The following BTBD9 variants were observed in gnomAD, a reference collection of about 807,000 sequenced individuals.
BTBD9 encodes BTB/POZ domain-containing protein 9.
A neutral mutation model predicts 64.3 loss-of-function variants in BTBD9; 49 were observed. The ratio of observed to expected loss-of-function variants is 0.76; its 90% CI spans 0.61 to 0.97. The LOEUF (loss-of-function observed/expected upper bound fraction) is 0.97. BTBD9 is among the 50% of genes least tolerant of loss of function. BTBD9 has a pLI of 0.00. For synonymous variants in BTBD9, 260 were observed against 274.7 expected, an observed-to-expected ratio of 0.95 and a Z score of 0.53; for missense variants, 598 against 762.1, an observed-to-expected ratio of 0.78 and a Z score of 2.53.
At chr6:38,518,444 G>A (rs1773138171) in intron 6 of BTBD9, among the ~76,000 whole-genome samples, 1 of 152,196 alleles carries the variant, frequency 6.6e-6, no homozygotes, top group Admixed American at 6.5e-5. Flanking sequence ...GATCTCTAGG[G>A]AGATTCTGGG....
intron 7 of BTBD9, among the ~76,000 whole-genome samples, chr6:38,302,271 T>C (rs1762431843): frequency 6.6e-6 from 1 of 151,864 alleles, no homozygotes; most frequent in Non-Finnish European, 1.5e-5. Context: ...AGTTTCTCCT[T>C]ACCTCCCAAC....
intron 6 of BTBD9, among the ~76,000 whole-genome samples, chr6:38,510,191 A>T (rs1772716961): frequency 1.3e-5 from 2 of 152,246 alleles, no homozygotes; most frequent in South Asian, 4.1e-4. Flanking sequence ...CATAGAGTAT[A>T]CTTACACGAA....
chr6:38,372,263 C>G (rs1486622281), intron 6 of BTBD9, among the ~76,000 whole-genome samples: 1 of 152,176 alleles, frequency 6.6e-6, no homozygotes, highest in African/African-American at 2.4e-5. Context: ...AAGATAATAT[C>G]TTTGTACAAA....
chr6:38,308,357 C>T (rs1001969841), intron 7 of BTBD9, among the ~76,000 whole-genome samples: 2 of 152,208 alleles, frequency 1.3e-5, no homozygotes, highest in African/African-American at 4.8e-5. Context: ...AGAGACTTTA[C>T]ATCTGCACTG....
intron 7 of BTBD9, among the ~76,000 whole-genome samples, chr6:38,294,966 A>G (rs1762103785): frequency 6.6e-6 from 1 of 152,094 alleles, no homozygotes; most frequent in East Asian, 1.9e-4. Flanking sequence ...GGTGAAGTTG[A>G]ACATTTTTTT....
At chr6:38,373,549 G>A (rs549501477) in intron 6 of BTBD9, among the ~76,000 whole-genome samples, 80 of 152,174 alleles carry the variant, frequency 5.3e-4, no homozygotes, top group African/African-American at 1.9e-3. Flanking sequence ...CTTGTTTTCT[G>A]AAGACAAGGT....
At chr6:38,537,170 G>T (rs1774057116) in intron 6 of BTBD9, among the ~76,000 whole-genome samples, 1 of 152,106 alleles carries the variant, frequency 6.6e-6, no homozygotes, top group African/African-American at 2.4e-5. Context: ...CTGTAGAATT[G>T]TTGCACTGTT....
At chr6:38,226,737 G>C (rs537199150) in intron 9 of BTBD9, among the ~76,000 whole-genome samples, 5 of 152,326 alleles carry the variant, frequency 3.3e-5, no homozygotes, top group African/African-American at 1.2e-4. Flanking sequence ...GTGAGGACAG[G>C]TGTGTACACA....
intron 6 of BTBD9, among the ~76,000 whole-genome samples, chr6:38,570,540 G>A (rs1347266821): frequency 6.6e-6 from 1 of 152,144 alleles, no homozygotes; most frequent in Non-Finnish European, 1.5e-5. Flanking sequence ...CTGAGGTCCT[G>A]TAACCTCATT....
chr6:38,627,772 T>C lies in BTBD9; in HGVS notation c.-28+12028A>G, dbSNP rs144115592. Reference sequence around the variant, plus strand: ...AACAAATGAGTCGCTCAATGAGATGTTACAAAGATTTATTAGGCTGACTTT... The same window carrying C: ...AACAAATGAGTCGCTCAATGAGATGCTACAAAGATTTATTAGGCTGACTTT... On this transcript the variant is annotated intron_variant, in intron 1 of 10. Transcript: ENST00000481247. Among the ~76,000 whole-genome samples the C allele has an allele frequency of 1.2e-4, 18 of 152,228 alleles. No homozygotes were observed. The East Asian group carries it at 3.1e-3, about 26-fold the overall frequency.
At chr6:38,204,697 G>A (rs1762575435) in intron 9 of BTBD9, among the ~76,000 whole-genome samples, 1 of 151,952 alleles carries the variant, frequency 6.6e-6, no homozygotes, top group South Asian at 2.1e-4. Flanking sequence ...TGAATTGTAT[G>A]GTATATGAAT....
chr6:38,241,384 T>C (rs113829100), intron 9 of BTBD9, among the ~76,000 whole-genome samples: 1 of 152,182 alleles, frequency 6.6e-6, no homozygotes, highest in Non-Finnish European at 1.5e-5. Flanking sequence ...CTGGGACAAA[T>C]TTAATGTGCA....
intron 6 of BTBD9, chr6:38,482,059 C>A (rs1448713515): frequency 6.6e-6 from 1 of 152,178 alleles, no homozygotes; most frequent in African/African-American, 2.4e-5. Flanking sequence ...TGTTGTGTTT[C>A]TTCCCAGTCC....
At chr6:38,212,404 G>T (rs937300603) in intron 9 of BTBD9, among the ~76,000 whole-genome samples, 1 of 152,156 alleles carries the variant, frequency 6.6e-6, no homozygotes, top group Non-Finnish European at 1.5e-5. Context: ...AGGTTGAGAG[G>T]GGGTGACACA....
chr6:38,429,345 C>T (rs2127293264), intron 6 of BTBD9, among the ~76,000 whole-genome samples: 1 of 151,146 alleles, frequency 6.6e-6, no homozygotes, highest in Middle Eastern at 3.4e-3. Flanking sequence ...ATCCCAGCTA[C>T]TCGGGAGGCT....
At chr6:38,311,857 T>A (rs765904389) in intron 7 of BTBD9, among the ~76,000 whole-genome samples, 1 of 152,108 alleles carries the variant, frequency 6.6e-6, no homozygotes, top group Non-Finnish European at 1.5e-5. Context: ...TGAGCACCTT[T>A]TCTTTTTTAT....
At position 38,169,448 on chromosome 6, in the gene BTBD9, G is replaced by A. The variant is rs970242191; in HGVS notation, c.*5537C>T. 4 of 150,200 alleles carry A rather than the reference G, an allele frequency of 2.7e-5. No individual in the cohort carries two copies. Among genetic ancestry groups the A allele is most frequent in the Non-Finnish European group, 5.9e-5 (4 of 67,678 alleles). 9.3% of individuals were successfully genotyped at this position (150,200 alleles called of 1,614,324 possible). ...TCGCCTTCCTGGGACATAAACCCCT[G>A]GGGCTCATGTGGTGGGGAGCAATTT... On this transcript the variant is annotated 3_prime_UTR_variant, in exon 11 of 11. Coordinates refer to ENST00000481247, the MANE Select transcript of BTBD9 (RefSeq NM_001099272.2).
chr6:38,539,428 C>T (rs1774165372), intron 6 of BTBD9, among the ~76,000 whole-genome samples: 1 of 152,172 alleles, frequency 6.6e-6, no homozygotes, highest in African/African-American at 2.4e-5. Flanking sequence ...GAATCTGAGA[C>T]TCTGGTGTGT....
At chr6:38,476,033 G>A (rs74951849) in intron 6 of BTBD9, among the ~76,000 whole-genome samples, 111 of 152,214 alleles carry the variant, frequency 7.3e-4, no homozygotes, top group African/African-American at 2.6e-3. Context: ...ATGTCCACTC[G>A]ATTTCCTGAA....
Sources: allele counts gnomAD v4.1 joint callset (sites outside exome capture counted in the v4.1 genomes callset), GRCh38; gene constraint gnomAD v4.1.1; transcripts MANE v1.5; gene names NCBI Gene and HGNC (gene_info 2026-07-23, HGNC 2026-07-21).